UNC5A: variants seen among roughly 807,000 people sequenced by gnomAD.
The protein encoded by UNC5A is netrin receptor UNC5A.
A neutral mutation model predicts 87.4 loss-of-function variants in UNC5A; 20 were observed. That is an observed-to-expected ratio of 0.23 (90% CI 0.16 to 0.33). UNC5A has a LOEUF of 0.33. Among genes scored for constraint, UNC5A ranks in the 10% least tolerant of loss-of-function variants. UNC5A has a pLI of 1.00. For synonymous variants in UNC5A, 438 were observed against 482.3 expected (o/e 0.91, Z 1.20); for missense variants, 844 against 1,133.4 (o/e 0.74, Z 3.67).
intron 1 of UNC5A, among the ~76,000 whole-genome samples, chr5:176,849,612 GC>G (rs1017941457): frequency 4.6e-5 from 7 of 152,270 alleles, no homozygotes; most frequent in African/African-American, 1.7e-4. Flanking sequence ...CATCTGGCCT[GC>G]CCCCTTGGAT....
chr5:176,811,493 C>T (rs1051261791), intron 1 of UNC5A, among the ~76,000 whole-genome samples: 1 of 152,224 alleles, frequency 6.6e-6, no homozygotes. Flanking sequence ...GTGGTTGGTC[C>T]GCCAGTTTCC....
At position 176,810,926 on chromosome 5, in the gene UNC5A, C is replaced by A. The variant is rs899985233; in HGVS notation, c.70+106C>A. 9.9e-6 allele frequency: 10 copies of A among 1,009,116 alleles called. No homozygotes were observed. Among genetic ancestry groups the A allele is most frequent in the Non-Finnish European group, 1.2e-5 (10 of 812,134 alleles). The allele number at this position is 1,009,116 out of a possible 1,614,324, so 62.5% of individuals were successfully genotyped here. A position where few individuals can be genotyped will look rare whatever the true frequency, so the allele number is the denominator to read the frequency against. On this transcript the variant is annotated intron_variant, in intron 1 of 14. Transcript: ENST00000329542. This position sits in a 1 kb window ranked among gnomAD's most constrained non-coding sequence, Gnocchi z 7.3. ...CAGCGCTGCCAGACCCGGCTGGGAG[C>A]CCCCCGAGGCCAAACTTTGCGAGGC...
At chr5:176,839,207 C>T (rs959254610) in intron 1 of UNC5A, among the ~76,000 whole-genome samples, 1 of 152,242 alleles carries the variant, frequency 6.6e-6, no homozygotes, top group East Asian at 1.9e-4. Flanking sequence ...TCTCTGACCC[C>T]TCACAGCACC....
At chr5:176,842,054 G>A (rs534475493) in intron 1 of UNC5A, among the ~76,000 whole-genome samples, 6 of 152,328 alleles carry the variant, frequency 3.9e-5, no homozygotes, top group South Asian at 4.1e-4. Flanking sequence ...AAAATTAGCC[G>A]GGCGCGGTGG....
rs73804242 is a variant in UNC5A at position 176,834,711 on chromosome 5, C to G, written c.70+23891C>G. ...TCTCTCTCTCTCTCTCTCTGTCTCT[C>G]TGTCTCTCTCTCCCTCCTCTCCCTC... is the stretch of plus-strand genomic sequence containing the variant. On this transcript the variant is annotated intron_variant, in intron 1 of 14. Transcript: ENST00000329542. Among the ~76,000 whole-genome samples, 1,212 of 151,240 alleles carry G rather than the reference C, an allele frequency of 8.0e-3. 16 individuals carry two copies. The highest frequency in any genetic ancestry group is 0.028 in the African/African-American group (1,142 of 41,006).
Position 176,824,731 on chromosome 5 carries a change from G to C in UNC5A, c.70+13911G>C. 6.7e-6 allele frequency among the ~76,000 whole-genome samples: 1 copy of C among 149,416 alleles called. No homozygotes were observed. On this transcript the variant is annotated intron_variant, in intron 1 of 14. Transcript: ENST00000329542. This position sits in a 1 kb window ranked among gnomAD's most constrained non-coding sequence, Gnocchi z 4.2. Reference sequence around the variant, plus strand: ...ACCCCCTACTGCTAGGTGCCTCCATGCCCATGCACCCCCAGTGCCTGTGCA... The same window carrying C: ...ACCCCCTACTGCTAGGTGCCTCCATCCCCATGCACCCCCAGTGCCTGTGCA...
In UNC5A at chr5:176,877,920, G is replaced by A. The variant is rs779792903; in HGVS notation, c.1662G>A (p.Ala554=). 1.7e-5 allele frequency: 27 copies of A among 1,602,312 alleles called. No individual in the cohort carries two copies. The highest frequency in any genetic ancestry group is 8.3e-5 in the Admixed American group (5 of 59,952). Residue 554 remains alanine (A), a synonymous_variant, in exon 11 of 15, where the codon GCG becomes GCA. Transcript: ENST00000329542. ...ATGTGCTGCACCTGGGCGAGGAGGCGCCCTCCCACCTCTACTACTGCCAGC... is the reference window on the plus strand; with the variant it reads ...ATGTGCTGCACCTGGGCGAGGAGGCACCCTCCCACCTCTACTACTGCCAGC... ...WEDVLHLGEE[A]PSHLYYCQLE...
At position 176,848,262 on chromosome 5, in the gene UNC5A, C is replaced by T. The variant is rs1757462049; in HGVS notation, c.71-14362C>T. Among the ~76,000 whole-genome samples the T allele has an allele frequency of 6.6e-6, 1 of 152,070 alleles. No homozygotes were observed. Among genetic ancestry groups the T allele is most frequent in the South Asian group, 2.1e-4 (1 of 4,812 alleles). On this transcript the variant is annotated intron_variant, in intron 1 of 14. Coordinates refer to ENST00000329542, the MANE Select transcript of UNC5A (RefSeq NM_133369.3). The surrounding 1 kb of genome is among the most constrained non-coding windows in gnomAD (Gnocchi z 5.8). ...CCTTGGGGAGGGGGTACCCCAGCTT[C>T]TCTCTCCCCTGCTACCCCAAAGCAC...
intron 1 of UNC5A, among the ~76,000 whole-genome samples, chr5:176,822,757 A>G (rs1756757970): frequency 6.6e-5 from 10 of 152,242 alleles, no homozygotes; most frequent in Admixed American, 6.5e-4. Context: ...AGAGGGACTC[A>G]GGCTGGGACC....
At chr5:176,831,056 C>T (rs984370630) in intron 1 of UNC5A, among the ~76,000 whole-genome samples, 1 of 152,002 alleles carries the variant, frequency 6.6e-6, no homozygotes, top group Non-Finnish European at 1.5e-5. Context: ...CACAGAAGCC[C>T]GTTCCTCATC....
intron 1 of UNC5A, among the ~76,000 whole-genome samples, chr5:176,857,511 CACAT>C (rs1757696644): frequency 6.6e-6 from 1 of 152,034 alleles, no homozygotes; most frequent in Admixed American, 6.6e-5. Context: ...CACACACACA[CACAT>C]GCATGCCACA....
At chr5:176,876,008 T>C (rs1218333187) in intron 8 of UNC5A, among the ~76,000 whole-genome samples, 1 of 152,230 alleles carries the variant, frequency 6.6e-6, no homozygotes, top group Middle Eastern at 3.2e-3. Context: ...CAGCCCTTGC[T>C]CTTCGCTCCC....
intron 1 of UNC5A, among the ~76,000 whole-genome samples, chr5:176,823,995 GC>G (rs1244881379): frequency 6.6e-6 from 1 of 152,226 alleles, no homozygotes; most frequent in Admixed American, 6.5e-5. Context: ...TGAGAACCCA[GC>G]CTCTCCCTGG....
intron 1 of UNC5A, among the ~76,000 whole-genome samples, chr5:176,839,241 G>A (rs1581253964): frequency 6.6e-6 from 1 of 152,360 alleles, no homozygotes; most frequent in Middle Eastern, 3.4e-3. Flanking sequence ...TTGTCCTGAG[G>A]GGATACTGAA....
At position 176,878,407 on chromosome 5, in the gene UNC5A, C is replaced by T; in HGVS notation, c.2019+14C>T. On this transcript the variant is annotated intron_variant, in intron 12 of 14. Coordinates refer to ENST00000329542, the MANE Select transcript of UNC5A (RefSeq NM_133369.3). ...GTCAGCTACCAGGTGAGGGCCAGGG[C>T]CGTGGCCAGCGCACAAGAGGCCTGG... 6.2e-7 allele frequency: 1 copy of T among 1,613,124 alleles called. No homozygotes were observed. Among genetic ancestry groups the T allele is most frequent in the South Asian group, 1.1e-5 (1 of 91,018 alleles).
At chr5:176,872,992 G>A (rs56370365) in intron 6 of UNC5A, among the ~76,000 whole-genome samples, 26 of 6,932 alleles carry the variant, frequency 3.8e-3, no homozygotes, top group Non-Finnish European at 5.2e-3. Flanking sequence ...GCCCACACCT[G>A]CCCCAACACC....
intron 1 of UNC5A, among the ~76,000 whole-genome samples, chr5:176,849,007 G>A (rs1485199123): frequency 2.0e-5 from 3 of 152,218 alleles, no homozygotes; most frequent in African/African-American, 7.2e-5. Flanking sequence ...TGATGAGGAG[G>A]GTTCCCAGGA....
Position 176,848,935 on chromosome 5 carries a change from G to A in UNC5A, c.71-13689G>A, listed in dbSNP as rs901202466. Among the ~76,000 whole-genome samples the A allele has an allele frequency of 6.6e-6, 1 of 152,210 alleles. No homozygotes were observed. The highest frequency in any genetic ancestry group is 1.5e-5 in the Non-Finnish European group (1 of 68,022). On this transcript the variant is annotated intron_variant, in intron 1 of 14. Coordinates refer to ENST00000329542, the MANE Select transcript of UNC5A (RefSeq NM_133369.3). The surrounding 1 kb of genome is among the most constrained non-coding windows in gnomAD (Gnocchi z 5.8). Reference sequence around the variant, plus strand: ...ATCCTGCTACCCGCCCAGGTACCTGGGGCAATGGACAGCCGACCTCTCCGC... The same window carrying A: ...ATCCTGCTACCCGCCCAGGTACCTGAGGCAATGGACAGCCGACCTCTCCGC...
At chr5:176,837,275 G>C (rs1054778682) in intron 1 of UNC5A, among the ~76,000 whole-genome samples, 1 of 152,178 alleles carries the variant, frequency 6.6e-6, no homozygotes, top group African/African-American at 2.4e-5. Flanking sequence ...CCCTCCCTCT[G>C]TGTACTGTCT....
Sources: allele counts gnomAD v4.1 joint callset (sites outside exome capture counted in the v4.1 genomes callset), GRCh38; gene constraint gnomAD v4.1.1; non-coding constraint Gnocchi (gnomAD v3.1); transcripts MANE v1.5; gene names NCBI Gene and HGNC (gene_info 2026-07-23, HGNC 2026-07-21).